Variants in GTF2F2 observed in about 807,000 individuals in gnomAD.
The protein encoded by GTF2F2 is ATP-dependent helicase GTF2F2.
A neutral mutation model predicts 42.2 loss-of-function variants in GTF2F2; 23 were observed. The ratio of observed to expected loss-of-function variants is 0.55; its 90% CI spans 0.39 to 0.77. The LOEUF (loss-of-function observed/expected upper bound fraction) is 0.77, where lower values mean the gene tolerates loss of function less well. Among genes scored for constraint, GTF2F2 ranks in the 30% least tolerant of loss-of-function variants. The probability of loss-of-function intolerance (pLI) is 0.00; values close to 1 mark genes in which losing one functional copy is unlikely to be tolerated. For missense variants in GTF2F2, 261 were observed against 287.2 expected, an observed-to-expected ratio of 0.91 and a Z score of 0.66; for synonymous variants, 105 against 100.8, an observed-to-expected ratio of 1.04 and a Z score of -0.25.
chr13:45,228,283 C>CTTTTTTTTTTTTT lies in GTF2F2; in HGVS notation c.386+20782_386+20794dup, dbSNP rs372901327. Among the ~76,000 whole-genome samples the CTTTTTTTTTTTTT allele has an allele frequency of 2.1e-3, 191 of 92,664 alleles. 17 individuals are homozygous for CTTTTTTTTTTTTT. Among genetic ancestry groups the CTTTTTTTTTTTTT allele is most frequent in the African/African-American group, 6.5e-3 (114 of 17,610 alleles). 60.8% of individuals were successfully genotyped at this position (92,664 alleles called of 152,430 possible). A position where few individuals can be genotyped will look rare whatever the true frequency, so the allele number is the denominator to read the frequency against. ...TTTCCTTATTGCTGCCAGAGTTAAT[C>CTTTTTTTTTTTTT]TTTTTTTTTTTTTTTTGGAGACGGA... On this transcript the variant is annotated intron_variant, in intron 5 of 7. Transcript: ENST00000340473.
At chr13:45,240,101 ATTT>A (rs34744288) in intron 5 of GTF2F2, among the ~76,000 whole-genome samples, 14 of 91,092 alleles carry the variant, frequency 1.5e-4, no homozygotes, top group East Asian at 8.4e-4. Context: ...ATGTAGAGGG[ATTT>A]TTTTTTTTTT....
intron 1 of GTF2F2, among the ~76,000 whole-genome samples, chr13:45,126,245 CTTTT>C (rs11383296): frequency 9.9e-6 from 1 of 100,644 alleles, no homozygotes; most frequent in Non-Finnish European, 1.9e-5. Context: ...GGAAGAACGA[CTTTT>C]TTTTTTTTTT....
chr13:45,278,691 C>T (rs1271910314), intron 7 of GTF2F2, among the ~76,000 whole-genome samples: 1 of 151,938 alleles, frequency 6.6e-6, no homozygotes, highest in Non-Finnish European at 1.5e-5. Flanking sequence ...AATATCTATC[C>T]TCAAAGAACC....
intron 4 of GTF2F2, among the ~76,000 whole-genome samples, chr13:45,168,787 C>G (rs1871428892): frequency 9.5e-6 from 1 of 105,380 alleles, no homozygotes; most frequent in Non-Finnish European, 1.8e-5. Context: ...TGGCTTCCTT[C>G]CTTCCTTCCT....
At chr13:45,176,466 T>C (rs1177511826) in intron 4 of GTF2F2, among the ~76,000 whole-genome samples, 2 of 152,214 alleles carry the variant, frequency 1.3e-5, no homozygotes, top group African/African-American at 2.4e-5. Context: ...TTAGATTTCT[T>C]GTCCATTTTT....
At chr13:45,272,436 A>C (rs867078939) in intron 7 of GTF2F2, among the ~76,000 whole-genome samples, 20 of 143,190 alleles carry the variant, frequency 1.4e-4, no homozygotes, top group Middle Eastern at 3.6e-3. Context: ...AAAAAAAAAA[A>C]AAAACAAAAA....
At chr13:45,227,426 C>T (rs1355888976) in intron 5 of GTF2F2, among the ~76,000 whole-genome samples, 4 of 152,170 alleles carry the variant, frequency 2.6e-5, no homozygotes, top group Non-Finnish European at 5.9e-5. Context: ...GGTTATAAGG[C>T]TGGACAGTTT....
At chr13:45,274,402 C>T (rs954013402) in intron 7 of GTF2F2, among the ~76,000 whole-genome samples, 3 of 145,800 alleles carry the variant, frequency 2.1e-5, no homozygotes, top group East Asian at 2.0e-4. Flanking sequence ...TCTTGGCTCA[C>T]TGCAACGTCC....
At chr13:45,265,250 C>T (rs898869301) in intron 6 of GTF2F2, among the ~76,000 whole-genome samples, 2 of 149,306 alleles carry the variant, frequency 1.3e-5, no homozygotes, top group African/African-American at 4.9e-5. Context: ...TAGAGTGAGA[C>T]ACCATTTCAA....
At chr13:45,153,976 C>CAAA (rs71070960) in intron 4 of GTF2F2, among the ~76,000 whole-genome samples, 61 of 71,226 alleles carry the variant, frequency 8.6e-4, no homozygotes, top group African/African-American at 2.1e-3. Flanking sequence ...GACTCAGTCT[C>CAAA]AAAAAAAAAA....
At chr13:45,216,486 G>A (rs1299373737) in intron 5 of GTF2F2, among the ~76,000 whole-genome samples, 1 of 152,014 alleles carries the variant, frequency 6.6e-6, no homozygotes, top group Admixed American at 6.6e-5. Context: ...GGGGCTGTAC[G>A]TCTTTTTTAA....
At position 45,176,587 on chromosome 13, in the gene GTF2F2, C is replaced by A. The variant is rs570493516; in HGVS notation, c.304+24756C>A. Among the ~76,000 whole-genome samples, 10 of 152,180 alleles carry A rather than the reference C, an allele frequency of 6.6e-5. No homozygotes were observed. The East Asian group carries it at 1.9e-3, about 29-fold the overall frequency. On this transcript the variant is annotated intron_variant, in intron 4 of 7. Transcript: ENST00000340473. ...ATTCAGTGGCTTGCCTTTTTACTCT[C>A]TTAAAGGTATTTTTTGATGAACAGA...
intron 2 of GTF2F2, among the ~76,000 whole-genome samples, chr13:45,144,562 C>G (rs1870099402): frequency 6.7e-6 from 1 of 148,326 alleles, no homozygotes; most frequent in South Asian, 2.1e-4. Context: ...CTGCCTCAGC[C>G]TCCCGAGTAG....
chr13:45,280,606 A>T (rs936433178), intron 7 of GTF2F2, among the ~76,000 whole-genome samples: 10 of 152,180 alleles, frequency 6.6e-5, no homozygotes, highest in African/African-American at 2.4e-4. Flanking sequence ...ATCTCATTCC[A>T]TTCTTATTGT....
intron 4 of GTF2F2, among the ~76,000 whole-genome samples, chr13:45,195,587 G>C (rs1872850480): frequency 6.6e-6 from 1 of 152,116 alleles, no homozygotes; most frequent in Non-Finnish European, 1.5e-5. Flanking sequence ...GCCTAACCTT[G>C]TTTTTCAACT....
rs1868565730 is a variant in GTF2F2, at chr13:45,120,547, C to G, written c.-109C>G. The G allele has an allele frequency of 4.0e-6, 3 of 745,392 alleles. No individual in the cohort carries two copies. Among genetic ancestry groups the G allele is most frequent in the Admixed American group, 2.4e-5 (1 of 41,230 alleles). 46.2% of individuals were successfully genotyped at this position (745,392 alleles called of 1,614,324 possible). On this transcript the variant is annotated 5_prime_UTR_variant, in exon 1 of 8. Transcript: ENST00000340473. ...TGTTCTGGCAGGTAAGGAACGCCGG[C>G]TCTTCGCCTCTCAGCGCGGCTTGTC...
chr13:45,169,425 T>A (rs952275950), intron 4 of GTF2F2, among the ~76,000 whole-genome samples: 4 of 152,156 alleles, frequency 2.6e-5, no homozygotes, highest in African/African-American at 9.7e-5. Flanking sequence ...GGCACCTCGA[T>A]CTTGGACTTC....
Position 45,168,779 on chromosome 13 carries a change from GCTTCCTTCCTTCCTTC to G in GTF2F2, c.304+16982_304+16997del, listed in dbSNP as rs368098791. Among the ~76,000 whole-genome samples the G allele has an allele frequency of 1.1e-3, 134 of 125,620 alleles. 1 individual carries two copies. The highest frequency in any genetic ancestry group is 2.2e-3 in the Admixed American group (27 of 12,330). The allele number at this position is 125,620 out of a possible 152,430, so 82.4% of individuals were successfully genotyped here. A position where few individuals can be genotyped will look rare whatever the true frequency, so the allele number is the denominator to read the frequency against. ...AAGTGTGTGCCACCACACCTGGCTG[GCTTCCTTCCTTCCTTC>G]CTTCCTTCCTTCCTTCCTTCCTTCC... On this transcript the variant is annotated intron_variant, in intron 4 of 7. Coordinates refer to ENST00000340473, the MANE Select transcript of GTF2F2 (RefSeq NM_004128.3).
At chr13:45,171,419 A>G (rs1218448458) in intron 4 of GTF2F2, among the ~76,000 whole-genome samples, 1 of 152,140 alleles carries the variant, frequency 6.6e-6, no homozygotes, top group Non-Finnish European at 1.5e-5. Context: ...AGGTTTAAGT[A>G]ATTTGAGGGT....
Sources: gnomAD v4.1 joint callset for allele counts (sites outside exome capture counted in the v4.1 genomes callset) on GRCh38, gnomAD v4.1.1 for gene constraint, MANE v1.5 for transcripts, NCBI Gene and HGNC (gene_info 2026-07-23, HGNC 2026-07-21) for gene names.